The following FRAS1 variants were observed in gnomAD, a reference collection of about 807,000 sequenced individuals.
The protein encoded by FRAS1 is extracellular matrix organizing protein FRAS1.
A neutral mutation model predicts 435.2 loss-of-function variants in FRAS1; 290 were observed. That is an observed-to-expected ratio of 0.67 (90% CI 0.61 to 0.73). The LOEUF is 0.73. Ranked by LOEUF, FRAS1 falls within the 30% of genes least tolerant of loss-of-function variation. The pLI is 0.00. For missense variants in FRAS1, 4,860 were observed against 5,001.5 expected, an observed-to-expected ratio of 0.97 and a Z score of 0.85; for synonymous variants, 1,800 against 1,851.0, an observed-to-expected ratio of 0.97 and a Z score of 0.71.
intron 1 of FRAS1, among the ~76,000 whole-genome samples, chr4:78,062,220 G>T (rs1331227988): frequency 1.3e-5 from 2 of 152,120 alleles, no homozygotes; most frequent in African/African-American, 2.4e-5. Context: ...GTCAAAGTTG[G>T]AGCCTCATGC....
At chr4:78,519,916 A>G (rs1039528751) in intron 67 of FRAS1, among the ~76,000 whole-genome samples, 1 of 152,200 alleles carries the variant, frequency 6.6e-6, no homozygotes, top group Non-Finnish European at 1.5e-5. Context: ...CAAGTAGCCC[A>G]CTTTATTCAT....
At chr4:78,287,243 A>C (rs1727655255) in intron 14 of FRAS1, among the ~76,000 whole-genome samples, 1 of 152,186 alleles carries the variant, frequency 6.6e-6, no homozygotes, top group Non-Finnish European at 1.5e-5. Flanking sequence ...TGAGAACAGC[A>C]TGGGGGAAAC....
At chr4:78,183,732 T>TTGTGTGTG (rs3974339) in intron 2 of FRAS1, among the ~76,000 whole-genome samples, 11,145 of 136,892 alleles carry the variant, frequency 0.081, 517 homozygotes, top group Non-Finnish European at 0.1. Flanking sequence ...TTCATTCTCT[T>TTGTGTGTG]TGTGTGTGTG....
chr4:78,215,592 A>G (rs879592971), intron 2 of FRAS1, among the ~76,000 whole-genome samples: 10 of 152,210 alleles, frequency 6.6e-5, no homozygotes, highest in Non-Finnish European at 4.4e-5. Flanking sequence ...GAAACTCTGT[A>G]TCCTTTAGAC....
At chr4:78,145,275 A>G (rs1391127350) in intron 2 of FRAS1, among the ~76,000 whole-genome samples, 1 of 152,194 alleles carries the variant, frequency 6.6e-6, no homozygotes, top group African/African-American at 2.4e-5. Flanking sequence ...GGCCACTCAC[A>G]GAAGGGGCAG....
At chr4:78,311,265 T>C (rs917336267) in intron 15 of FRAS1, among the ~76,000 whole-genome samples, 1 of 152,208 alleles carries the variant, frequency 6.6e-6, no homozygotes, top group Admixed American at 6.5e-5. Context: ...TTTTTATTTT[T>C]ATGAGCTTAT....
chr4:78,199,292 G>C (rs991043176), intron 2 of FRAS1, among the ~76,000 whole-genome samples: 1 of 152,184 alleles, frequency 6.6e-6, no homozygotes. Flanking sequence ...AAGTTTTTAA[G>C]AACAGTGGCT....
chr4:78,441,460 T>G (rs1734655518), intron 41 of FRAS1, among the ~76,000 whole-genome samples, 163 bp downstream of exon 41: 1 of 152,128 alleles, frequency 6.6e-6, no homozygotes, highest in South Asian at 2.1e-4. Context: ...CAACAAAAAT[T>G]TAATGAGCAT....
intron 47 of FRAS1, among the ~76,000 whole-genome samples, chr4:78,459,487 G>A (rs763263202): frequency 6.6e-5 from 10 of 152,222 alleles, no homozygotes; most frequent in Non-Finnish European, 1.2e-4. Context: ...AGAGTGGTGG[G>A]AGTTAGTTGG....
chr4:78,498,638 A>C (rs969288252), intron 60 of FRAS1, among the ~76,000 whole-genome samples: 1 of 152,164 alleles, frequency 6.6e-6, no homozygotes, highest in African/African-American at 2.4e-5. Context: ...TGACTTTCTG[A>C]GAGGGAAAGA....
At chr4:78,442,424 A>G (rs1002810757) in intron 41 of FRAS1, among the ~76,000 whole-genome samples, 1 of 152,246 alleles carries the variant, frequency 6.6e-6, no homozygotes, top group Non-Finnish European at 1.5e-5. Context: ...GGGAAGGCAG[A>G]AAAGTCTGAG....
At chr4:78,311,467 A>G (rs1466568016) in intron 15 of FRAS1, among the ~76,000 whole-genome samples, 1 of 151,926 alleles carries the variant, frequency 6.6e-6, no homozygotes, top group African/African-American at 2.4e-5. Context: ...TTACCCATCC[A>G]CGCTCCCAGT....
intron 18 of FRAS1, among the ~76,000 whole-genome samples, chr4:78,323,812 ATTC>A (rs1387821998): frequency 2.0e-5 from 3 of 152,134 alleles, no homozygotes; most frequent in Non-Finnish European, 4.4e-5. Context: ...TCAGCCTCTG[ATTC>A]TTCTTCTACT....
intron 13 of FRAS1, among the ~76,000 whole-genome samples, chr4:78,285,624 G>A (rs1727552762): frequency 6.6e-6 from 1 of 151,826 alleles, no homozygotes; most frequent in Non-Finnish European, 1.5e-5. Flanking sequence ...TAGAGATAGG[G>A]TTTTGCCGTG....
chr4:78,154,819 A>G (rs776421857), intron 2 of FRAS1, among the ~76,000 whole-genome samples: 3 of 152,234 alleles, frequency 2.0e-5, no homozygotes, highest in African/African-American at 7.2e-5. Context: ...GCGCAGTTCC[A>G]TGTACTAAAA....
intron 58 of FRAS1, 59 bp from the exon 59 acceptor site, chr4:78,488,816 G>A (rs1720251203): frequency 2.7e-6 from 4 of 1,503,148 alleles, no homozygotes; most frequent in South Asian, 1.2e-5. Context: ...CAAGGACCAT[G>A]GCCACAGCTT....
intron 50 of FRAS1, 73 bp downstream of exon 50, chr4:78,466,508 A>AACAATGGTATGCTTGAT: frequency 1.8e-6 from 2 of 1,108,070 alleles, no homozygotes; most frequent in Non-Finnish European, 2.6e-6. Flanking sequence ...TTTTACATCA[A>AACAATGGTATGCTTGAT]GCATACCATT....
In FRAS1 at chr4:78,363,950, T is replaced by G; in HGVS notation, c.2618T>G (p.Phe873Cys). The G allele has an allele frequency of 6.2e-7, 1 of 1,613,488 alleles. No individual in the cohort carries two copies. Among genetic ancestry groups the G allele is most frequent in the East Asian group, 2.2e-5 (1 of 44,862 alleles). The change falls in exon 22 of 74, where the codon TTC (phenylalanine) becomes TGC (cysteine). Residue 873 changes from phenylalanine (F) to cysteine (C), a missense_variant. Transcript: ENST00000512123. ...SCRTCQGRGP[F>C]SCSSCDTNLV... Reference sequence around the variant, plus strand: ...AGAACCTGCCAGGGCAGAGGACCTTTCTCCTGCTCCTCATGTGACACCAAC... The same window carrying G: ...AGAACCTGCCAGGGCAGAGGACCTTGCTCCTGCTCCTCATGTGACACCAAC...
chr4:78,343,722 A>C (rs1730490560), intron 20 of FRAS1, among the ~76,000 whole-genome samples: 1 of 152,240 alleles, frequency 6.6e-6, no homozygotes, highest in Non-Finnish European at 1.5e-5. Flanking sequence ...ATACAACTGC[A>C]GCACTGAATA....
Sources: allele counts gnomAD v4.1 joint callset (sites outside exome capture counted in the v4.1 genomes callset), GRCh38; gene constraint gnomAD v4.1.1; transcripts MANE v1.5; gene names NCBI Gene and HGNC (gene_info 2026-07-23, HGNC 2026-07-21).